The following ERG variants were observed in gnomAD, a reference collection of about 807,000 sequenced individuals.
ERG encodes ETS transcription factor ERG.
Under a neutral mutation model 55.3 loss-of-function variants are expected in ERG, and 9 were observed. That is an observed-to-expected ratio of 0.16 (90% confidence interval 0.10 to 0.28). ERG has a LOEUF of 0.28. Ranked by LOEUF, ERG falls within the 10% of genes least tolerant of loss-of-function variation. The pLI, the probability that ERG is intolerant of heterozygous loss-of-function variation, is 1.00. For synonymous variants in ERG, 223 were observed against 237.3 expected, an observed-to-expected ratio of 0.94 and a Z score of 0.55; for missense variants, 434 against 631.6, an observed-to-expected ratio of 0.69 and a Z score of 3.35.
intron 9 of ERG, among the ~76,000 whole-genome samples, chr21:38,388,139 T>G (rs1336747011): frequency 1.3e-5 from 2 of 152,242 alleles, no homozygotes; most frequent in Non-Finnish European, 2.9e-5. Flanking sequence ...TGTATTTTCA[T>G]GTGCACCATT....
At chr21:38,411,019 A>G (rs1434025542) in intron 3 of ERG, among the ~76,000 whole-genome samples, 2 of 152,226 alleles carry the variant, frequency 1.3e-5, no homozygotes, top group Non-Finnish European at 2.9e-5. Flanking sequence ...AAGTCAGCCA[A>G]TCTGCTGTCC....
At chr21:38,546,571 G>C (rs1406636790) in intron 2 of ERG, among the ~76,000 whole-genome samples, 1 of 152,098 alleles carries the variant, frequency 6.6e-6, no homozygotes, top group African/African-American at 2.4e-5. Context: ...TCATTTTTAT[G>C]ATACACAGTT....
intron 2 of ERG, among the ~76,000 whole-genome samples, chr21:38,566,205 G>T (rs1020718391): frequency 6.6e-6 from 1 of 152,198 alleles, no homozygotes; most frequent in South Asian, 2.1e-4. Flanking sequence ...AGAAGGAAAA[G>T]AAGGTGAAGA....
intron 1 of ERG, among the ~76,000 whole-genome samples, chr21:38,610,538 TG>T (rs2060220831): frequency 6.6e-6 from 1 of 152,152 alleles, no homozygotes; most frequent in Non-Finnish European, 1.5e-5. Flanking sequence ...TGTGTGTGTG[TG>T]TGTGTGTGTG....
upstream of ERG, among the ~76,000 whole-genome samples, chr21:38,502,194 T>A (rs2059426094): frequency 1.3e-5 from 2 of 152,206 alleles, no homozygotes; most frequent in Admixed American, 1.3e-4. Context: ...ATCCCTACAA[T>A]GGAACGCCCT....
At chr21:38,603,312 A>G (rs892565333) in intron 1 of ERG, among the ~76,000 whole-genome samples, 4 of 152,062 alleles carry the variant, frequency 2.6e-5, no homozygotes, top group African/African-American at 7.3e-5. Context: ...ACTTTCAGAT[A>G]AAATCCGATT....
Position 38,459,069 on chromosome 21 carries a change from A to G in ERG, c.19-13448T>C, listed in dbSNP as rs544150503. 2.0e-5 allele frequency among the ~76,000 whole-genome samples: 3 copies of G among 151,634 alleles called. No homozygotes were observed. In the South Asian group the frequency reaches 6.3e-4, roughly 32 times the overall value. ...TTTATGCCCTCCTTTTTCTCTCCTCATTCTCTAAATGTCAGCTTTCCTCTG... is the reference window on the plus strand; with the variant it reads ...TTTATGCCCTCCTTTTTCTCTCCTCGTTCTCTAAATGTCAGCTTTCCTCTG... On this transcript the variant is annotated intron_variant, in intron 1 of 9. Transcript: ENST00000288319.
intron 2 of ERG, among the ~76,000 whole-genome samples, chr21:38,436,790 T>C (rs549974395): frequency 2.6e-5 from 4 of 152,338 alleles, no homozygotes; most frequent in South Asian, 2.1e-4. Flanking sequence ...CTGTTATTGC[T>C]GGGCCCTGAA....
At chr21:38,377,069 G>T (rs1987263357), downstream of ERG, among the ~76,000 whole-genome samples, 1 of 152,262 alleles carries the variant, frequency 6.6e-6, no homozygotes, top group Admixed American at 6.5e-5. Context: ...CCTGAAAGCT[G>T]TAAGATTTTT....
At chr21:38,403,303 C>T (rs1988594970) in intron 4 of ERG, among the ~76,000 whole-genome samples, 2 of 152,154 alleles carry the variant, frequency 1.3e-5, no homozygotes, top group Admixed American at 1.3e-4. Flanking sequence ...CCTGAGAGCG[C>T]TGACTACTTC....
intron 1 of ERG, among the ~76,000 whole-genome samples, chr21:38,602,568 G>A (rs967927693): frequency 2.0e-5 from 3 of 152,064 alleles, no homozygotes; most frequent in African/African-American, 7.3e-5. Context: ...GAAGGGAAAT[G>A]CAGCAACTGG....
chr21:38,489,915 T>C (rs757669137), intron 1 of ERG, among the ~76,000 whole-genome samples: 3 of 152,198 alleles, frequency 2.0e-5, no homozygotes, highest in Non-Finnish European at 4.4e-5. Flanking sequence ...CTTTTGTGTT[T>C]TTCAAGCCGC....
At chr21:38,596,800 G>A (rs905004668) in intron 1 of ERG, among the ~76,000 whole-genome samples, 1 of 152,198 alleles carries the variant, frequency 6.6e-6, no homozygotes, top group Admixed American at 6.5e-5. Flanking sequence ...TTGGTTTCAG[G>A]CTGAGCTGGA....
Position 38,380,869 on chromosome 21 carries a change from T to C in ERG, c.*2534A>G. 1 of 1,065,354 alleles carries C rather than the reference T, an allele frequency of 9.4e-7. No individual in the cohort carries two copies. The highest frequency in any genetic ancestry group is 1.1e-6 in the Non-Finnish European group (1 of 879,310). The allele number at this position is 1,065,354 out of a possible 1,614,324, so 66.0% of individuals were successfully genotyped here. Reference sequence around the variant, plus strand: ...AGTCTTGAAGAGAGAACTGAGTGATTATCCAAGTAAATGTGTATTTCTATG... The same window carrying C: ...AGTCTTGAAGAGAGAACTGAGTGATCATCCAAGTAAATGTGTATTTCTATG... On this transcript the variant is annotated 3_prime_UTR_variant, in exon 10 of 10. Transcript: ENST00000288319.
chr21:38,373,741 G>T, the ERG span, among the ~76,000 whole-genome samples: 2 of 152,248 alleles, frequency 1.3e-5, no homozygotes, highest in African/African-American at 4.8e-5. Context: ...ATTTCTTTTT[G>T]TATTCCTTGG....
downstream of ERG, among the ~76,000 whole-genome samples, chr21:38,376,022 C>T: frequency 6.6e-6 from 1 of 152,166 alleles, no homozygotes. Flanking sequence ...TGTGGTTGCC[C>T]ATCCTATGAT....
chr21:38,464,815 T>C (rs1023496227), intron 1 of ERG, among the ~76,000 whole-genome samples: 1 of 152,108 alleles, frequency 6.6e-6, no homozygotes, highest in African/African-American at 2.4e-5. Flanking sequence ...ACATGTGGTG[T>C]TTGGTTTTCT....
chr21:38,445,115 C>T (rs1281338959), intron 2 of ERG, among the ~76,000 whole-genome samples: 2 of 151,072 alleles, frequency 1.3e-5, no homozygotes, highest in Admixed American at 1.3e-4. Flanking sequence ...CGTTCAATGG[C>T]CTTTCTTTCT....
chr21:38,507,176 C>T (rs1044188045), intron 2 of ERG, among the ~76,000 whole-genome samples: 4 of 152,122 alleles, frequency 2.6e-5, no homozygotes, highest in African/African-American at 9.7e-5. Flanking sequence ...AACTGAGGAC[C>T]CTGAGTGCAG....
Sources: gnomAD v4.1 joint callset for allele counts (sites outside exome capture counted in the v4.1 genomes callset) on GRCh38, gnomAD v4.1.1 for gene constraint, MANE v1.5 for transcripts, NCBI Gene and HGNC (gene_info 2026-07-23, HGNC 2026-07-21) for gene names.